The following TMEM120B variants were observed in gnomAD, a reference collection of about 807,000 sequenced individuals.
TMEM120B encodes the protein transmembrane protein 120B.
Under a neutral mutation model 55.5 loss-of-function variants are expected in TMEM120B, and 31 were observed. The ratio of observed to expected loss-of-function variants is 0.56; its 90% CI spans 0.42 to 0.75. TMEM120B has a LOEUF of 0.75. Ranked by LOEUF, TMEM120B falls within the 30% of genes least tolerant of loss-of-function variation. The probability of loss-of-function intolerance (pLI) is 0.00; values close to 1 mark genes in which losing one functional copy is unlikely to be tolerated. For synonymous variants in TMEM120B, 203 were observed against 176.3 expected (o/e 1.15, Z -1.20); for missense variants, 399 against 425.5 (o/e 0.94, Z 0.55).
chr12:121,744,010 T>G (rs1051566784), intron 2 of TMEM120B, among the ~76,000 whole-genome samples: 3 of 152,046 alleles, frequency 2.0e-5, no homozygotes, highest in African/African-American at 7.2e-5. Flanking sequence ...CCAGCCTTGC[T>G]TCCTGCCGGC....
At chr12:121,715,384 A>T (rs1483867753) in intron 1 of TMEM120B, among the ~76,000 whole-genome samples, 2 of 152,212 alleles carry the variant, frequency 1.3e-5, no homozygotes, top group Non-Finnish European at 2.9e-5. Context: ...CTGTGCAATT[A>T]ATGCAATTAA....
chr12:121,764,664 A>G (rs1873790667), intron 6 of TMEM120B, among the ~76,000 whole-genome samples: 1 of 152,124 alleles, frequency 6.6e-6, no homozygotes, highest in African/African-American at 2.4e-5. Flanking sequence ...AAAAAAAAAA[A>G]AGTGCTCTGG....
chr12:121,719,593 GT>G (rs1894758158), intron 1 of TMEM120B, among the ~76,000 whole-genome samples: 1 of 152,078 alleles, frequency 6.6e-6, no homozygotes, highest in Admixed American at 6.6e-5. Flanking sequence ...CTCAAAAAAT[GT>G]TTTTTTCTTC....
At chr12:121,726,219 A>G (rs1293007748) in intron 1 of TMEM120B, among the ~76,000 whole-genome samples, 4 of 152,058 alleles carry the variant, frequency 2.6e-5, no homozygotes, top group Non-Finnish European at 5.9e-5. Context: ...TATAAAAATC[A>G]CTGAATTATA....
Position 121,761,703 on chromosome 12 carries a change from C to T in TMEM120B, c.516C>T (p.Thr172=). Residue 172 remains threonine (T), a synonymous_variant, in exon 6 of 12, where the codon ACC becomes ACT. Coordinates refer to ENST00000449592, the MANE Select transcript of TMEM120B (RefSeq NM_001080825.2). ...FLLVWYYCTL[T]IRESILISNG... ...TGGTGTGGTATTACTGCACCCTGAC[C>T]ATTCGGGAGAGCATTCTCATCAGCA... 1 of 1,613,954 alleles carries T rather than the reference C, an allele frequency of 6.2e-7. No homozygotes were observed. The highest frequency in any genetic ancestry group is 1.3e-5 in the African/African-American group (1 of 75,028).
chr12:121,757,382 C>T (rs1355006524), intron 5 of TMEM120B, among the ~76,000 whole-genome samples: 1 of 152,012 alleles, frequency 6.6e-6, no homozygotes, highest in Non-Finnish European at 1.5e-5. Context: ...CACTCTGTCT[C>T]CGAGGCTGGA....
At chr12:121,742,211 C>G (rs903029682) in intron 1 of TMEM120B, among the ~76,000 whole-genome samples, 2 of 152,222 alleles carry the variant, frequency 1.3e-5, no homozygotes, top group South Asian at 4.1e-4. Context: ...CTATTTTGGT[C>G]AGGCTGGTCT....
intron 3 of TMEM120B, among the ~76,000 whole-genome samples, chr12:121,749,190 C>T (rs1873199298): frequency 6.6e-6 from 1 of 152,208 alleles, no homozygotes. Flanking sequence ...TTAACCCATT[C>T]CTCCGAGCTT....
At position 121,723,570 on chromosome 12, in the gene TMEM120B, C is replaced by T. The variant is rs556614080; in HGVS notation, c.69+10606C>T. On this transcript the variant is annotated intron_variant, in intron 1 of 11. Coordinates refer to ENST00000449592, the MANE Select transcript of TMEM120B (RefSeq NM_001080825.2). ...GAGGAGGCAGGAGAAACAGATACCCCAGCCTCTCTCTTCTCCCGCCCTCCA... is the reference window on the plus strand; with the variant it reads ...GAGGAGGCAGGAGAAACAGATACCCTAGCCTCTCTCTTCTCCCGCCCTCCA... Among the ~76,000 whole-genome samples, 5 of 152,258 alleles carry T rather than the reference C, an allele frequency of 3.3e-5. No individual in the cohort carries two copies. The South Asian group carries it at 1.0e-3, about 32-fold the overall frequency.
intron 5 of TMEM120B, among the ~76,000 whole-genome samples, chr12:121,760,261 C>T (rs1873628141): frequency 1.3e-5 from 2 of 152,028 alleles, no homozygotes; most frequent in South Asian, 4.2e-4. Context: ...CAAGATTGCG[C>T]CACTGCACTC....
intron 1 of TMEM120B, among the ~76,000 whole-genome samples, chr12:121,724,142 A>C (rs1894846661): frequency 1.4e-5 from 2 of 143,380 alleles, no homozygotes; most frequent in Admixed American, 1.5e-4. Flanking sequence ...GGTTCAAGTG[A>C]TTCTCCTGCC....
intron 6 of TMEM120B, among the ~76,000 whole-genome samples, chr12:121,765,022 T>C (rs912483474): frequency 6.6e-5 from 10 of 152,190 alleles, no homozygotes; most frequent in Non-Finnish European, 1.2e-4. Context: ...CAGACATTTA[T>C]TGAGTGTCTC....
At chr12:121,723,553 A>C (rs1287628332) in intron 1 of TMEM120B, among the ~76,000 whole-genome samples, 1 of 152,150 alleles carries the variant, frequency 6.6e-6, no homozygotes, top group Non-Finnish European at 1.5e-5. Flanking sequence ...GGGAGGAGGC[A>C]GGAGAAACAG....
intron 1 of TMEM120B, among the ~76,000 whole-genome samples, chr12:121,738,779 C>T (rs2137097627): frequency 6.6e-6 from 1 of 152,326 alleles, no homozygotes; most frequent in African/African-American, 2.4e-5. Flanking sequence ...CTAATAAGGG[C>T]ACAACATCCT....
chr12:121,733,897 A>G (rs1455290400), intron 1 of TMEM120B, among the ~76,000 whole-genome samples: 1 of 152,130 alleles, frequency 6.6e-6, no homozygotes, highest in Non-Finnish European at 1.5e-5. Flanking sequence ...AAAGCAAGTT[A>G]TGGAATCTAA....
intron 1 of TMEM120B, among the ~76,000 whole-genome samples, chr12:121,737,550 C>T (rs928394912): frequency 4.0e-5 from 6 of 151,862 alleles, no homozygotes; most frequent in Admixed American, 6.6e-5. Context: ...CATGAGGTTG[C>T]GTTGGGACTC....
At chr12:121,774,630 G>T in intron 9 of TMEM120B, 28 bp from the exon 10 acceptor site, 2 of 1,612,280 alleles carry the variant, frequency 1.2e-6, no homozygotes, top group Non-Finnish European at 1.7e-6. Flanking sequence ...CCCCTCAGCG[G>T]GTCCTTTTTC....
Position 121,775,171 on chromosome 12 carries a change from G to A in TMEM120B, c.906+41G>A. The A allele has an allele frequency of 6.9e-7, 1 of 1,449,960 alleles. No individual in the cohort carries two copies. Among genetic ancestry groups the A allele is most frequent in the South Asian group, 1.2e-5 (1 of 85,798 alleles). The allele number at this position is 1,449,960 out of a possible 1,614,324, so 89.8% of individuals were successfully genotyped here. A position where few individuals can be genotyped will look rare whatever the true frequency, so the allele number is the denominator to read the frequency against. On this transcript the variant is annotated intron_variant, in intron 11 of 11. Coordinates refer to ENST00000449592, the MANE Select transcript of TMEM120B (RefSeq NM_001080825.2). The surrounding 1 kb of genome is among the most constrained non-coding windows in gnomAD (Gnocchi z 4.3). Reference sequence around the variant, plus strand: ...GCATGCTCGGGGGAGGTTCCCGGGAGGGCTGGGGTGGCAGGGATGGGGTGT... The same window carrying A: ...GCATGCTCGGGGGAGGTTCCCGGGAAGGCTGGGGTGGCAGGGATGGGGTGT...
chr12:121,714,622 C>T (rs1393143693), intron 1 of TMEM120B, among the ~76,000 whole-genome samples: 3 of 138,668 alleles, frequency 2.2e-5, no homozygotes, highest in Non-Finnish European at 4.6e-5. Context: ...AGTGCAGTGG[C>T]ACGATCGTGG....
Sources: allele counts gnomAD v4.1 joint callset (sites outside exome capture counted in the v4.1 genomes callset), GRCh38; gene constraint gnomAD v4.1.1; non-coding constraint Gnocchi (gnomAD v3.1); transcripts MANE v1.5; gene names NCBI Gene and HGNC (gene_info 2026-07-23, HGNC 2026-07-21).